Variants in MYO3B observed in about 807,000 individuals in gnomAD.
The protein encoded by MYO3B is myosin-IIIb.
Under a neutral mutation model 174.6 loss-of-function variants are expected in MYO3B, and 156 were observed. The observed-to-expected ratio is 0.89, with a 90% CI of 0.78 to 1.02. MYO3B has a LOEUF of 1.02. MYO3B is among the 50% of genes least tolerant of loss of function. The pLI, the probability that MYO3B is intolerant of heterozygous loss-of-function variation, is 0.00. For synonymous variants in MYO3B, 563 were observed against 569.1 expected (o/e 0.99, Z 0.15); for missense variants, 1,632 against 1,639.4 (o/e 1.00, Z 0.08).
intron 23 of MYO3B, among the ~76,000 whole-genome samples, chr2:170,461,464 C>A (rs1402780387): frequency 1.0e-5 from 1 of 99,932 alleles, no homozygotes; most frequent in Non-Finnish European, 1.9e-5. Flanking sequence ...AAAACTCAGT[C>A]TCAAAAAAAA....
chr2:170,421,967 C>T (rs1210176944), intron 22 of MYO3B, among the ~76,000 whole-genome samples: 1 of 152,194 alleles, frequency 6.6e-6, no homozygotes, highest in African/African-American at 2.4e-5. Flanking sequence ...CCTACCCTCT[C>T]AGCTATGGTG....
rs10515937 is a variant in MYO3B, at chr2:170,545,995, C to G, written c.3733+2007C>G. On this transcript the variant is annotated intron_variant, in intron 32 of 34. Coordinates refer to ENST00000408978, the MANE Select transcript of MYO3B (RefSeq NM_138995.5). Reference sequence around the variant, plus strand: ...CTGGTCCTAATCTTCTTTTCTAGCTCTAACTTCCACTGCTCTCTCTTTTTC... The same window carrying G: ...CTGGTCCTAATCTTCTTTTCTAGCTGTAACTTCCACTGCTCTCTCTTTTTC... Among the ~76,000 whole-genome samples, 3,581 of 152,240 alleles carry G rather than the reference C, an allele frequency of 0.024. 538 individuals are homozygous for G. The East Asian group carries it at 0.44, about 19-fold the overall frequency.
intron 32 of MYO3B, among the ~76,000 whole-genome samples, chr2:170,616,572 CTG>C: frequency 6.6e-6 from 1 of 152,322 alleles, no homozygotes. Flanking sequence ...CCCCTTCTCT[CTG>C]ATTTAAATGA....
At chr2:170,448,149 C>T (rs1050886062) in intron 23 of MYO3B, among the ~76,000 whole-genome samples, 1 of 152,158 alleles carries the variant, frequency 6.6e-6, no homozygotes, top group East Asian at 1.9e-4. Context: ...GTCTAGTCCC[C>T]AGGCAGGAAG....
chr2:170,394,091 A>T (rs533860173), intron 16 of MYO3B, among the ~76,000 whole-genome samples: 1 of 152,322 alleles, frequency 6.6e-6, no homozygotes, highest in Admixed American at 6.5e-5. Context: ...ATAATCATTA[A>T]CAGAGTTAAT....
In MYO3B at chr2:170,585,873, G is replaced by A. The variant is rs151299519; in HGVS notation, c.3733+41885G>A. 4.9e-3 allele frequency among the ~76,000 whole-genome samples: 741 copies of A among 152,216 alleles called. 6 individuals carry two copies. Among genetic ancestry groups the A allele is most frequent in the African/African-American group, 0.017 (720 of 41,544 alleles). ...TCGAGACTGACCTGGCTAACATGGC[G>A]AAACCCTGTCTCTACTAAAAATATT... On this transcript the variant is annotated intron_variant, in intron 32 of 34. Coordinates refer to ENST00000408978, the MANE Select transcript of MYO3B (RefSeq NM_138995.5).
At chr2:170,351,566 G>A (rs2094070299) in intron 8 of MYO3B, among the ~76,000 whole-genome samples, 1 of 151,994 alleles carries the variant, frequency 6.6e-6, no homozygotes, top group Admixed American at 6.5e-5. Context: ...CTGGCTCTGG[G>A]CTAGAGACCC....
chr2:170,524,907 G>A (rs1405445977), intron 30 of MYO3B, among the ~76,000 whole-genome samples: 1 of 152,166 alleles, frequency 6.6e-6, no homozygotes, highest in South Asian at 2.1e-4. Flanking sequence ...TAAAGTGACA[G>A]AATCAGGATT....
intron 32 of MYO3B, among the ~76,000 whole-genome samples, chr2:170,615,107 C>T (rs1330815384): frequency 6.6e-6 from 1 of 152,152 alleles, no homozygotes; most frequent in Non-Finnish European, 1.5e-5. Context: ...TCTGTTTTGC[C>T]CCCTGCTCTC....
At chr2:170,420,303 A>C (rs2094606465) in intron 22 of MYO3B, among the ~76,000 whole-genome samples, 1 of 152,210 alleles carries the variant, frequency 6.6e-6, no homozygotes, top group Admixed American at 6.5e-5. Context: ...GGACTATGCT[A>C]CGGTTAAGGA....
At chr2:170,277,477 G>C (rs887182483) in intron 7 of MYO3B, among the ~76,000 whole-genome samples, 1 of 152,066 alleles carries the variant, frequency 6.6e-6, no homozygotes, top group African/African-American at 2.4e-5. Context: ...CTTACATAAG[G>C]GTAACTGTAT....
At chr2:170,295,970 G>T (rs1353816413) in intron 7 of MYO3B, among the ~76,000 whole-genome samples, 1 of 152,044 alleles carries the variant, frequency 6.6e-6, no homozygotes, top group Non-Finnish European at 1.5e-5. Context: ...CTTTTTCAGG[G>T]GTCCTAAACC....
At chr2:170,575,823 G>A (rs543759112) in intron 32 of MYO3B, among the ~76,000 whole-genome samples, 51 of 152,292 alleles carry the variant, frequency 3.3e-4, no homozygotes, top group African/African-American at 1.2e-3. Context: ...AAGAAAAAGT[G>A]TGTCCAAGCT....
At chr2:170,446,326 C>A (rs1327013858) in intron 23 of MYO3B, among the ~76,000 whole-genome samples, 1 of 152,020 alleles carries the variant, frequency 6.6e-6, no homozygotes, top group East Asian at 1.9e-4. Flanking sequence ...CCTGTCAACC[C>A]ACATTCCTCT....
intron 32 of MYO3B, among the ~76,000 whole-genome samples, chr2:170,619,734 A>ATTTTTTTTTTTT (rs1553539465): frequency 1.8e-4 from 6 of 33,512 alleles, no homozygotes; most frequent in Admixed American, 3.6e-4. Context: ...CTGCTGCCAT[A>ATTTTTTTTTTTT]TTCTTTTTTT....
intron 3 of MYO3B, among the ~76,000 whole-genome samples, chr2:170,213,276 G>A (rs753187188): frequency 5.3e-5 from 8 of 152,132 alleles, no homozygotes; most frequent in Admixed American, 1.3e-4. Flanking sequence ...CTCAAGAGCC[G>A]AGCTCTCTGA....
At chr2:170,258,483 T>C (rs1205601763) in intron 7 of MYO3B, among the ~76,000 whole-genome samples, 6 of 152,022 alleles carry the variant, frequency 3.9e-5, no homozygotes, top group Non-Finnish European at 7.4e-5. Context: ...TCAATAGATA[T>C]AGAAAAAGCT....
chr2:170,519,460 T>C lies in MYO3B; in HGVS notation c.3495T>C (p.Arg1165=). 1 of 1,613,656 alleles carries C rather than the reference T, an allele frequency of 6.2e-7. No homozygotes were observed. The highest frequency in any genetic ancestry group is 1.1e-5 in the South Asian group (1 of 91,060). ...CAGTTCTCAGGGGCTCTGTACATCG[T>C]AGGAGCCATTCACAAGCAGAATCCA... The part of the protein sequence containing the change: ...DHKVLRGSVH[R]RSHSQAESNN... The change falls in exon 30 of 35, where the codon CGT becomes CGC. Residue 1165 remains arginine (R), a synonymous_variant. Coordinates refer to ENST00000408978, the MANE Select transcript of MYO3B (RefSeq NM_138995.5).
intron 1 of MYO3B, among the ~76,000 whole-genome samples, chr2:170,179,736 C>G (rs894183334): frequency 2.0e-5 from 3 of 152,182 alleles, no homozygotes; most frequent in African/African-American, 7.2e-5. Context: ...ATAAATGATG[C>G]AGTCTGTGGT....
Sources: gnomAD v4.1 joint callset for allele counts (sites outside exome capture counted in the v4.1 genomes callset) on GRCh38, gnomAD v4.1.1 for gene constraint, MANE v1.5 for transcripts, NCBI Gene and HGNC (gene_info 2026-07-23, HGNC 2026-07-21) for gene names.